LAMA2: variants seen among roughly 807,000 people sequenced by gnomAD.
The protein encoded by LAMA2 is laminin subunit alpha 2.
A neutral mutation model predicts 364.8 loss-of-function variants in LAMA2; 269 were observed. The ratio of observed to expected loss-of-function variants is 0.74; its 90% CI spans 0.67 to 0.82. LAMA2 has a LOEUF of 0.82. Among genes scored for constraint, LAMA2 ranks in the 40% least tolerant of loss-of-function variants. The pLI is 0.00. For synonymous variants in LAMA2, 1,379 were observed against 1,370.6 expected, an observed-to-expected ratio of 1.01 and a Z score of -0.14; for missense variants, 3,807 against 3,873.2, an observed-to-expected ratio of 0.98 and a Z score of 0.45.
intron 1 of LAMA2, among the ~76,000 whole-genome samples, chr6:129,046,602 A>T (rs1314184002): frequency 6.6e-6 from 1 of 152,212 alleles, no homozygotes; most frequent in Non-Finnish European, 1.5e-5. Flanking sequence ...AGATTTGGGT[A>T]GGGACACAGC....
At chr6:129,307,736 T>C (rs1205676050) in intron 22 of LAMA2, among the ~76,000 whole-genome samples, 2 of 152,240 alleles carry the variant, frequency 1.3e-5, no homozygotes, top group Non-Finnish European at 2.9e-5. Context: ...GAAGAGGCTG[T>C]TCAAAAGAAG....
chr6:129,208,725 G>A (rs117312678), intron 12 of LAMA2, among the ~76,000 whole-genome samples: 9,504 of 131,534 alleles, frequency 0.072, 584 homozygotes, highest in African/African-American at 0.17. Context: ...GAGGGAGGGA[G>A]GGAAGGAAGG....
intron 1 of LAMA2, among the ~76,000 whole-genome samples, chr6:129,042,984 G>A (rs1787211857): frequency 6.6e-6 from 1 of 152,002 alleles, no homozygotes; most frequent in Admixed American, 6.6e-5. Context: ...TTTTTGTTTA[G>A]GTCTTTTTAA....
At chr6:129,456,595 A>G in intron 48 of LAMA2, 101 bp downstream of exon 48, 2 of 1,094,336 alleles carry the variant, frequency 1.8e-6, no homozygotes, top group Non-Finnish European at 2.8e-6. Context: ...AAACTTGATC[A>G]CGTTTTACTT....
In LAMA2 at chr6:129,056,386, A is replaced by C. The variant is rs933827855; in HGVS notation, c.284-3398A>C. On this transcript the variant is annotated intron_variant, in intron 2 of 64. Transcript: ENST00000421865. ...AAAGAACAATTTGACTAATGCTAAC[A>C]TTTAAATATATTCAGAAATTTTACT... 2.6e-5 allele frequency among the ~76,000 whole-genome samples: 4 copies of C among 152,308 alleles called. No homozygotes were observed. In the East Asian group the frequency reaches 7.7e-4, roughly 29 times the overall value.
chr6:129,270,475 C>CTAT (rs1787847206), intron 16 of LAMA2, 149 bp from the exon 17 acceptor site: 2 of 720,482 alleles, frequency 2.8e-6, no homozygotes, highest in Admixed American at 2.2e-5. Context: ...ACTTTCAATG[C>CTAT]TATTTCTCTG....
intron 1 of LAMA2, among the ~76,000 whole-genome samples, chr6:128,911,056 C>T (rs1457728083): frequency 1.3e-5 from 2 of 151,866 alleles, no homozygotes; most frequent in African/African-American, 2.4e-5. Context: ...CAGACAGGGA[C>T]ATTTAAGTCT....
At chr6:128,945,318 C>T (rs758953990) in intron 1 of LAMA2, among the ~76,000 whole-genome samples, 22 of 152,140 alleles carry the variant, frequency 1.4e-4, no homozygotes, top group South Asian at 6.2e-4. Flanking sequence ...ATTTGTTGTA[C>T]CAAACTTCTC....
chr6:128,952,608 T>G (rs1780898020), intron 1 of LAMA2, among the ~76,000 whole-genome samples: 1 of 152,218 alleles, frequency 6.6e-6, no homozygotes, highest in African/African-American at 2.4e-5. Context: ...TATTTTATAA[T>G]GCAGATCTGA....
intron 1 of LAMA2, among the ~76,000 whole-genome samples, chr6:128,975,587 C>T (rs1782479731): frequency 6.6e-6 from 1 of 152,176 alleles, no homozygotes; most frequent in Admixed American, 6.5e-5. Context: ...GCAGTTCCCA[C>T]AATTCCCAAG....
intron 10 of LAMA2, among the ~76,000 whole-genome samples, chr6:129,180,951 T>G (rs1780889433): frequency 6.6e-6 from 1 of 152,028 alleles, no homozygotes; most frequent in South Asian, 2.1e-4. Context: ...AAATTGCAGC[T>G]GAACTCCCTG....
chr6:129,288,070 A>G lies in LAMA2; in HGVS notation c.2749+12A>G, dbSNP rs118012475. 1.9e-6 allele frequency: 3 copies of G among 1,606,822 alleles called. No homozygotes were observed. Among genetic ancestry groups the G allele is most frequent in the East Asian group, 4.5e-5 (2 of 44,836 alleles). Reference sequence around the variant, plus strand: ...GAAGAACTGTCAGCGTAAGTCCTGAACTATTGATGCCCCTGACAGAATTGA... The same window carrying G: ...GAAGAACTGTCAGCGTAAGTCCTGAGCTATTGATGCCCCTGACAGAATTGA... On this transcript the variant is annotated intron_variant, in intron 19 of 64. Transcript: ENST00000421865.
rs1432926843 is a variant in LAMA2 at position 128,907,671 on chromosome 6, A to G, written c.112+24314A>G. On this transcript the variant is annotated intron_variant, in intron 1 of 64. Transcript: ENST00000421865. ...CCCTGGCCAGAACTTCCAACACTATATTGAATAGGAGTGGTGAGAGAGGGC... is the reference window on the plus strand; with the variant it reads ...CCCTGGCCAGAACTTCCAACACTATGTTGAATAGGAGTGGTGAGAGAGGGC... Among the ~76,000 whole-genome samples, 454 of 152,044 alleles carry G rather than the reference A, an allele frequency of 3.0e-3. 1 individual carries two copies. Among genetic ancestry groups the G allele is most frequent in the African/African-American group, 0.01 (421 of 41,426 alleles).
At chr6:129,237,664 T>C (rs1458088237) in intron 12 of LAMA2, among the ~76,000 whole-genome samples, 1 of 152,108 alleles carries the variant, frequency 6.6e-6, no homozygotes, top group Admixed American at 6.6e-5. Flanking sequence ...TGCACCCTTA[T>C]AACTGTGGGA....
chr6:129,418,254 C>T (rs190474164), intron 40 of LAMA2, among the ~76,000 whole-genome samples: 1 of 152,210 alleles, frequency 6.6e-6, no homozygotes, highest in Non-Finnish European at 1.5e-5. Context: ...TAGATCCCCT[C>T]TCCCCAGGGA....
chr6:129,401,137 A>G, intron 37 of LAMA2, 87 bp from the exon 38 acceptor site: 1 of 881,238 alleles, frequency 1.1e-6, no homozygotes. Context: ...CTAAGCTTTT[A>G]TTCAAACAGC....
intron 1 of LAMA2, among the ~76,000 whole-genome samples, chr6:128,924,201 CAT>C (rs372466666): frequency 1.2e-4 from 18 of 152,052 alleles, no homozygotes; most frequent in African/African-American, 4.1e-4. Context: ...AGCTTCTTTT[CAT>C]ATATATATAC....
At chr6:128,989,501 C>T (rs1582831922) in intron 1 of LAMA2, among the ~76,000 whole-genome samples, 1 of 152,298 alleles carries the variant, frequency 6.6e-6, no homozygotes, top group East Asian at 1.9e-4. Context: ...GAAAGCAAGA[C>T]ACTTTCCTTT....
At chr6:129,452,075 C>T (rs1782702306) in intron 45 of LAMA2, among the ~76,000 whole-genome samples, 1 of 152,198 alleles carries the variant, frequency 6.6e-6, no homozygotes. Context: ...TCTCTGCCTC[C>T]TTCTGGAGCG....
Sources: allele counts gnomAD v4.1 joint callset (sites outside exome capture counted in the v4.1 genomes callset), GRCh38; gene constraint gnomAD v4.1.1; transcripts MANE v1.5; gene names NCBI Gene and HGNC (gene_info 2026-07-23, HGNC 2026-07-21).